PCDHGA6: variants seen among roughly 807,000 people sequenced by gnomAD.
PCDHGA6 encodes the protein protocadherin gamma-A6.
In PCDHGA6, 41 loss-of-function variants were observed where a neutral mutation model predicts 60.6. The observed-to-expected ratio is 0.68, with a 90% CI of 0.53 to 0.88. The LOEUF is 0.88. Among genes scored for constraint, PCDHGA6 ranks in the 40% least tolerant of loss-of-function variants. PCDHGA6 has a pLI of 0.00. For missense variants in PCDHGA6, 1,312 were observed against 1,203.0 expected (o/e 1.09, Z -1.34); for synonymous variants, 594 against 524.4 (o/e 1.13, Z -1.81).
chr5:141,464,208 T>G (rs915798868), intron 1 of PCDHGA6, among the ~76,000 whole-genome samples: 1 of 148,120 alleles, frequency 6.8e-6, no homozygotes, highest in Admixed American at 6.9e-5. Context: ...GAGATTGCAG[T>G]GAGCTGAGAT....
intron 1 of PCDHGA6, among the ~76,000 whole-genome samples, chr5:141,434,467 T>C (rs1397980716): frequency 6.6e-6 from 1 of 152,226 alleles, no homozygotes; most frequent in Non-Finnish European, 1.5e-5. Flanking sequence ...TTTACCGGAA[T>C]GAGGGCAAGG....
At chr5:141,376,676 G>GTTTTGTT in intron 1 of PCDHGA6, 169 bp downstream of exon 1, 5 of 306,022 alleles carry the variant, frequency 1.6e-5, no homozygotes, top group Non-Finnish European at 1.1e-5. Flanking sequence ...TGAGGGTATC[G>GTTTTGTT]TTTTTTTTTT....
Position 141,375,486 on chromosome 5 carries a change from G to A in PCDHGA6, c.1403G>A (p.Gly468Asp), listed in dbSNP as rs1193457334. Reference sequence around the variant, plus strand: ...TATGTCCTTGAAAACAACCCCAGGGGTGCCTCCATCTTCTCTGTGAATGCA... The same window carrying A: ...TATGTCCTTGAAAACAACCCCAGGGATGCCTCCATCTTCTCTGTGAATGCA... ...SVYVLENNPRGASIFSVNALD... is the reference protein window; with the variant it reads ...SVYVLENNPRDASIFSVNALD... Residue 468 changes from glycine (G) to aspartate (D), a missense_variant, in exon 1 of 4, where the codon GGT becomes GAT. Transcript: ENST00000517434. 9.3e-6 allele frequency: 15 copies of A among 1,613,796 alleles called. No individual in the cohort carries two copies. The Admixed American group carries it at 1.7e-4, about 18-fold the overall frequency.
Position 141,490,703 on chromosome 5 carries a change from G to GCCT in PCDHGA6, c.2425-4102_2425-4100dup. 6.2e-7 allele frequency: 1 copy of GCCT among 1,614,110 alleles called. No individual in the cohort carries two copies. The highest frequency in any genetic ancestry group is 8.5e-7 in the Non-Finnish European group (1 of 1,180,000). Reference sequence around the variant, plus strand: ...GATCCAGACACTGGGGATAATGCCCGCCTCACCTACTCCATTGTAGGAAAT... The same window carrying GCCT: ...GATCCAGACACTGGGGATAATGCCCGCCTCCTCACCTACTCCATTGTAGGAAAT... On this transcript the variant is annotated intron_variant, in intron 1 of 3. Transcript: ENST00000517434. This position sits in a 1 kb window ranked among gnomAD's most constrained non-coding sequence, Gnocchi z 5.4.
chr5:141,400,713 T>G (rs1225008709), intron 1 of PCDHGA6: 1 of 686,914 alleles, frequency 1.5e-6, no homozygotes, highest in Admixed American at 3.0e-5. Flanking sequence ...GAAGTAGCCT[T>G]ATAGATTTAC....
In PCDHGA6 at chr5:141,511,035, C is replaced by T. The variant is rs373005862; in HGVS notation, c.2661C>T (p.His887=). Residue 887 remains histidine (H), a synonymous_variant, in exon 4 of 4, where the codon CAC becomes CAT. Transcript: ENST00000517434. ...ACGGACCCCAGTTCACCCTGCAGCA[C>T]GTGCCCGACTACCGCCAGAATGTCT... ...ARYGPQFTLQ[H]VPDYRQNVYI... The T allele has an allele frequency of 1.7e-5, 27 of 1,614,208 alleles. No individual in the cohort carries two copies. The African/African-American group carries it at 2.9e-4, about 18-fold the overall frequency.
Position 141,505,229 on chromosome 5 carries a change from G to T in PCDHGA6, c.2484-164G>T, listed in dbSNP as rs116169437. 9.5e-4 allele frequency: 809 copies of T among 847,460 alleles called. 6 individuals carry two copies. In the African/African-American group the frequency reaches 0.013, roughly 13 times the overall value. 52.5% of individuals were successfully genotyped at this position (847,460 alleles called of 1,614,324 possible). ...TGAGGGACTGACTTGTGGGATTCTG[G>T]CTTCTGAAGGATTGTAGAAGTGCCT... On this transcript the variant is annotated intron_variant, in intron 2 of 3. Coordinates refer to ENST00000517434, the MANE Select transcript of PCDHGA6 (RefSeq NM_018919.3).
intron 1 of PCDHGA6, chr5:141,377,601 C>G: frequency 7.5e-6 from 1 of 133,100 alleles, no homozygotes; most frequent in South Asian, 2.3e-4. Flanking sequence ...TTCTCTCTCT[C>G]TCTCAAAAAA....
At chr5:141,470,574 CA>C (rs1369567985) in intron 1 of PCDHGA6, among the ~76,000 whole-genome samples, 1 of 152,188 alleles carries the variant, frequency 6.6e-6, no homozygotes, top group Non-Finnish European at 1.5e-5. Flanking sequence ...CAAGCAGGAT[CA>C]ACTTCATAGG....
intron 1 of PCDHGA6, chr5:141,409,186 T>C: frequency 6.2e-7 from 1 of 1,614,042 alleles, no homozygotes; most frequent in Non-Finnish European, 8.5e-7. Flanking sequence ...GTGGTCTCTC[T>C]ACCCAGTGTA....
chr5:141,399,008 G>GC, intron 1 of PCDHGA6: 1 of 1,613,904 alleles, frequency 6.2e-7, no homozygotes, highest in Non-Finnish European at 8.5e-7. Flanking sequence ...AATTCAAAGA[G>GC]CGGAGAAATT....
chr5:141,408,634 A>C, intron 1 of PCDHGA6: 2 of 1,614,040 alleles, frequency 1.2e-6, no homozygotes, highest in South Asian at 2.2e-5. Flanking sequence ...AAATTTTCGA[A>C]TCTGCATCCG....
At chr5:141,408,974 G>T (rs899313364) in intron 1 of PCDHGA6, 1 of 1,613,690 alleles carries the variant, frequency 6.2e-7, no homozygotes, top group South Asian at 1.1e-5. Flanking sequence ...TCTGCCCCCT[G>T]GGTCCCCTGT....
At chr5:141,394,789 C>A (rs747304715) in intron 1 of PCDHGA6, 1 of 1,613,728 alleles carries the variant, frequency 6.2e-7, no homozygotes, top group South Asian at 1.1e-5. Context: ...GCCACTGTCA[C>A]GCTCACCGTA....
Position 141,385,038 on chromosome 5 carries a change from G to A in PCDHGA6, c.2424+8531G>A, listed in dbSNP as rs377185831. The A allele has an allele frequency of 7.4e-6, 12 of 1,614,020 alleles. No individual in the cohort carries two copies. The African/African-American group carries it at 1.2e-4, about 16-fold the overall frequency. On this transcript the variant is annotated intron_variant, in intron 1 of 3. Transcript: ENST00000517434. ...TAGCCTTCGTCCTCGTACTGCTGGC[G>A]CTCAGGCTGCGGCGCTGGCACAAGT...
At chr5:141,420,056 T>C (rs1241770239) in intron 1 of PCDHGA6, 1 of 1,614,044 alleles carries the variant, frequency 6.2e-7, no homozygotes, top group Admixed American at 1.7e-5. Flanking sequence ...AGTTCTCTGC[T>C]CCAAGTCCGG....
chr5:141,431,147 G>A lies in PCDHGA6; in HGVS notation c.2424+54640G>A, dbSNP rs1303502732. ...AGAAGTAAGGGACATTAACGACAAT[G>A]CGCCTTACTTTCGTGAAAGTGAATT... On this transcript the variant is annotated intron_variant, in intron 1 of 3. Coordinates refer to ENST00000517434, the MANE Select transcript of PCDHGA6 (RefSeq NM_018919.3). The surrounding 1 kb of genome is among the most constrained non-coding windows in gnomAD (Gnocchi z 4.8). 6.2e-7 allele frequency: 1 copy of A among 1,614,228 alleles called. No homozygotes were observed. The highest frequency in any genetic ancestry group is 1.7e-5 in the Admixed American group (1 of 60,030).
At position 141,374,302 on chromosome 5, in the gene PCDHGA6, G is replaced by A. The variant is rs769015747; in HGVS notation, c.219G>A (p.Gln73=). 1.2e-6 allele frequency: 2 copies of A among 1,613,984 alleles called. No homozygotes were observed. The highest frequency in any genetic ancestry group is 1.7e-6 in the Non-Finnish European group (2 of 1,179,842). The change falls in exon 1 of 4, where the codon CAG becomes CAA. Residue 73 remains glutamine, a synonymous_variant. Coordinates refer to ENST00000517434, the MANE Select transcript of PCDHGA6 (RefSeq NM_018919.3). ...GVRIVSRGRM[Q]LFSLNPRNGS... ...GCATCGTCTCCAGAGGTAGGATGCA[G>A]CTTTTCTCTCTGAATCCGCGAAACG...
In PCDHGA6 at chr5:141,419,332, C is replaced by T. The variant is rs1356380695; in HGVS notation, c.2424+42825C>T. On this transcript the variant is annotated intron_variant, in intron 1 of 3. Transcript: ENST00000517434. Reference sequence around the variant, plus strand: ...TCAACGGCCGTGTCTCCTACTCTCTCATTGCCAGCGACCTGGAGTCACGAA... The same window carrying T: ...TCAACGGCCGTGTCTCCTACTCTCTTATTGCCAGCGACCTGGAGTCACGAA... 3.7e-6 allele frequency: 6 copies of T among 1,613,832 alleles called. No individual in the cohort carries two copies. The Admixed American group carries it at 8.3e-5, about 22-fold the overall frequency.
Sources: gnomAD v4.1 joint callset for allele counts (sites outside exome capture counted in the v4.1 genomes callset) on GRCh38, gnomAD v4.1.1 for gene constraint, Gnocchi (gnomAD v3.1) non-coding constraint, MANE v1.5 for transcripts, NCBI Gene and HGNC (gene_info 2026-07-23, HGNC 2026-07-21) for gene names.